RGS6: variants seen among roughly 807,000 people sequenced by gnomAD.
RGS6 encodes regulator of G-protein signaling 6.
Under a neutral mutation model 78.5 loss-of-function variants are expected in RGS6, and 30 were observed. That is an observed-to-expected ratio of 0.38 (90% CI 0.29 to 0.52). RGS6 has a LOEUF of 0.52. RGS6 is among the 20% of genes least tolerant of loss of function. The pLI is 0.85. For synonymous variants in RGS6, 206 were observed against 206.0 expected (o/e 1.00, Z 0.00); for missense variants, 495 against 609.7 (o/e 0.81, Z 1.98).
intron 2 of RGS6, among the ~76,000 whole-genome samples, chr14:71,970,576 A>T (rs2093740062): frequency 6.6e-6 from 1 of 152,196 alleles, no homozygotes; most frequent in Non-Finnish European, 1.5e-5. Context: ...TTTGGAATTC[A>T]TAGAGGGCAG....
chr14:71,930,020 T>C (rs7151878), upstream of RGS6, among the ~76,000 whole-genome samples: 4,130 of 152,286 alleles, frequency 0.027, 178 homozygotes, highest in African/African-American at 0.093. Context: ...TGTGGTTCCT[T>C]TCAGTGGAGG....
At chr14:71,964,134 G>T (rs993507776) in intron 1 of RGS6, among the ~76,000 whole-genome samples, 1 of 152,014 alleles carries the variant, frequency 6.6e-6, no homozygotes, top group African/African-American at 2.4e-5. Context: ...TTAATGCATA[G>T]AATTAATCAG....
At chr14:72,214,980 G>A (rs930983893) in intron 2 of RGS6, among the ~76,000 whole-genome samples, 5 of 152,230 alleles carry the variant, frequency 3.3e-5, no homozygotes, top group Non-Finnish European at 2.9e-5. Flanking sequence ...GCCAGAACCA[G>A]AGTTAGAACT....
chr14:71,961,302 C>G lies in RGS6; in HGVS notation c.-20-3470C>G, dbSNP rs184797215. On this transcript the variant is annotated intron_variant, in intron 1 of 17. Coordinates refer to ENST00000553525, the MANE Select transcript of RGS6 (RefSeq NM_001204424.2). ...GTTAGAAATGTGAGGTTCTGAGGGT[C>G]TAGCTCAGAGCTGGAAGGAACTCTA... Among the ~76,000 whole-genome samples the G allele has an allele frequency of 4.6e-5, 7 of 152,270 alleles. No individual in the cohort carries two copies. The East Asian group carries it at 9.7e-4, about 21-fold the overall frequency.
intron 15 of RGS6, among the ~76,000 whole-genome samples, chr14:72,532,413 G>C (rs2097193978): frequency 6.6e-6 from 1 of 152,118 alleles, no homozygotes; most frequent in Non-Finnish European, 1.5e-5. Flanking sequence ...TCTACTCCCT[G>C]AAATGACAAC....
At chr14:72,013,877 T>C (rs2086392983) in intron 2 of RGS6, among the ~76,000 whole-genome samples, 1 of 152,234 alleles carries the variant, frequency 6.6e-6, no homozygotes, top group Non-Finnish European at 1.5e-5. Flanking sequence ...GTGAATCCCT[T>C]ACTCCGTGCT....
At chr14:72,280,733 A>T (rs2061430297) in intron 2 of RGS6, among the ~76,000 whole-genome samples, 1 of 152,162 alleles carries the variant, frequency 6.6e-6, no homozygotes, top group South Asian at 2.1e-4. Context: ...ATCCAGAGAG[A>T]TAGTTATTAT....
intron 2 of RGS6, among the ~76,000 whole-genome samples, chr14:72,012,489 A>G (rs951932155): frequency 2.0e-5 from 3 of 152,190 alleles, no homozygotes; most frequent in Admixed American, 2.0e-4. Context: ...AAAATAATTT[A>G]TTTTGATACC....
intron 3 of RGS6, among the ~76,000 whole-genome samples, chr14:72,405,985 C>A (rs185749485): frequency 2.0e-5 from 3 of 152,156 alleles, no homozygotes; most frequent in Non-Finnish European, 1.5e-5. Flanking sequence ...GGGCTGTCTG[C>A]GTCCAGATGT....
chr14:72,542,999 T>C (rs1339305546), intron 17 of RGS6, among the ~76,000 whole-genome samples: 1 of 152,090 alleles, frequency 6.6e-6, no homozygotes, highest in Non-Finnish European at 1.5e-5. Flanking sequence ...TATGAGCTTC[T>C]CTTTCCAATG....
chr14:72,092,978 A>C (rs1327448497), intron 2 of RGS6, among the ~76,000 whole-genome samples: 2 of 152,078 alleles, frequency 1.3e-5, no homozygotes, highest in Non-Finnish European at 2.9e-5. Flanking sequence ...GATCCTCCAC[A>C]GCAATTTCTT....
At chr14:72,440,535 C>CCCATGTAG (rs1459180896) in intron 3 of RGS6, among the ~76,000 whole-genome samples, 2 of 151,696 alleles carry the variant, frequency 1.3e-5, no homozygotes, top group African/African-American at 2.4e-5. Context: ...GCCTCAGCCT[C>CCCATGTAG]CCATGTAGCT....
intron 2 of RGS6, among the ~76,000 whole-genome samples, chr14:72,173,840 G>T (rs917009462): frequency 5.5e-4 from 83 of 152,114 alleles, no homozygotes; most frequent in African/African-American, 2.0e-3. Flanking sequence ...TCTTTATTTT[G>T]TACCCTCTTG....
At chr14:72,215,545 G>A (rs1385447128) in intron 2 of RGS6, among the ~76,000 whole-genome samples, 2 of 152,338 alleles carry the variant, frequency 1.3e-5, no homozygotes, top group African/African-American at 4.8e-5. Context: ...ATAACCTGAT[G>A]CGTCCACCCT....
the RGS6 span, among the ~76,000 whole-genome samples, chr14:72,595,467 T>TAAACAAAC: frequency 8.6e-5 from 13 of 151,674 alleles, no homozygotes; most frequent in South Asian, 2.1e-4. Context: ...CCTCTTAGTT[T>TAAACAAAC]AAACAAACAA....
intron 2 of RGS6, among the ~76,000 whole-genome samples, chr14:72,211,748 C>T (rs769560680): frequency 2.6e-5 from 4 of 152,064 alleles, no homozygotes; most frequent in Non-Finnish European, 4.4e-5. Context: ...AGACAGCCTC[C>T]GAATTTAGGA....
chr14:71,902,191 T>C, the RGS6 span, among the ~76,000 whole-genome samples: 2 of 152,254 alleles, frequency 1.3e-5, no homozygotes, highest in South Asian at 4.1e-4. Flanking sequence ...TTAAGTCATT[T>C]ACAGTTGAGT....
chr14:72,272,781 T>G (rs1255928879), intron 2 of RGS6, among the ~76,000 whole-genome samples: 1 of 152,174 alleles, frequency 6.6e-6, no homozygotes, highest in Non-Finnish European at 1.5e-5. Context: ...GAATTAGAGA[T>G]AAAATTATGG....
chr14:72,107,855 C>G (rs1176362818), intron 2 of RGS6, among the ~76,000 whole-genome samples: 4 of 152,092 alleles, frequency 2.6e-5, no homozygotes, highest in Non-Finnish European at 5.9e-5. Context: ...ATTACACACA[C>G]AATATTAATA....
Sources: gnomAD v4.1 joint callset for allele counts (sites outside exome capture counted in the v4.1 genomes callset) on GRCh38, gnomAD v4.1.1 for gene constraint, MANE v1.5 for transcripts, NCBI Gene and HGNC (gene_info 2026-07-23, HGNC 2026-07-21) for gene names.